The following VAV3 variants were observed in gnomAD, a reference collection of about 807,000 sequenced individuals.
VAV3 encodes guanine nucleotide exchange factor VAV3.
VAV3 carries 94 observed loss-of-function variants against 131.2 expected under a neutral mutation model. That is an observed-to-expected ratio of 0.72 (90% CI 0.61 to 0.85). The LOEUF is 0.85. Among genes scored for constraint, VAV3 ranks in the 40% least tolerant of loss-of-function variants. The probability of loss-of-function intolerance (pLI) is 0.00; values close to 1 mark genes in which losing one functional copy is unlikely to be tolerated. For synonymous variants in VAV3, 349 were observed against 342.0 expected (o/e 1.02, Z -0.22); for missense variants, 939 against 1,002.7 (o/e 0.94, Z 0.86).
chr1:107,675,713 G>A (rs1658159018), intron 19 of VAV3, among the ~76,000 whole-genome samples: 1 of 152,116 alleles, frequency 6.6e-6, no homozygotes. Flanking sequence ...AAAACATGCT[G>A]TGTTAGGTTC....
At chr1:107,884,381 AC>A (rs1486217819) in intron 1 of VAV3, among the ~76,000 whole-genome samples, 2 of 148,790 alleles carry the variant, frequency 1.3e-5, no homozygotes, top group African/African-American at 2.5e-5. Flanking sequence ...CCTACTATGT[AC>A]CCCCAAAATT....
chr1:107,776,858 C>A (rs970690616), intron 4 of VAV3, among the ~76,000 whole-genome samples: 4 of 152,208 alleles, frequency 2.6e-5, no homozygotes, highest in Non-Finnish European at 4.4e-5. Flanking sequence ...AGCTCCAACC[C>A]ACACTTATCT....
At position 107,780,313 on chromosome 1, in the gene VAV3, G is replaced by A. The variant is rs182219959; in HGVS notation, c.322-821C>T. 9.9e-5 allele frequency among the ~76,000 whole-genome samples: 15 copies of A among 152,204 alleles called. 1 individual carries two copies. The East Asian group carries it at 2.9e-3, about 29-fold the overall frequency. ...AAATTGCCTTAATTTAATTCTGAGT[G>A]TTTTCAGAAAAAGTTTTCTAAATTA... On this transcript the variant is annotated intron_variant, in intron 2 of 26. Coordinates refer to ENST00000370056, the MANE Select transcript of VAV3 (RefSeq NM_006113.5).
chr1:107,886,262 C>T (rs530317183), intron 1 of VAV3, among the ~76,000 whole-genome samples: 4 of 152,290 alleles, frequency 2.6e-5, no homozygotes, highest in East Asian at 3.9e-4. Context: ...ACACATAACC[C>T]GATGAAGAAG....
chr1:107,931,630 C>T (rs371172857), intron 1 of VAV3, among the ~76,000 whole-genome samples: 8 of 152,226 alleles, frequency 5.3e-5, no homozygotes, highest in African/African-American at 7.2e-5. Flanking sequence ...TATTAAAACA[C>T]GTGATTGAAA....
At chr1:107,827,046 C>G (rs1668047501) in intron 2 of VAV3, among the ~76,000 whole-genome samples, 1 of 152,002 alleles carries the variant, frequency 6.6e-6, no homozygotes, top group African/African-American at 2.4e-5. Context: ...GTAATAGTTT[C>G]TCATACTTTC....
intron 15 of VAV3, among the ~76,000 whole-genome samples, chr1:107,738,626 C>T (rs958436731): frequency 2.6e-5 from 4 of 152,202 alleles, no homozygotes; most frequent in Non-Finnish European, 4.4e-5. Context: ...TTTCCAATCG[C>T]AGCTTATTTT....
At chr1:107,783,142 C>T (rs1445280192) in intron 2 of VAV3, among the ~76,000 whole-genome samples, 1 of 152,094 alleles carries the variant, frequency 6.6e-6, no homozygotes, top group African/African-American at 2.4e-5. Flanking sequence ...CTTTGTGAGG[C>T]AGGTGGGAAA....
intron 9 of VAV3, among the ~76,000 whole-genome samples, chr1:107,764,039 T>C (rs1368188224): frequency 6.6e-6 from 1 of 151,356 alleles, no homozygotes; most frequent in Non-Finnish European, 1.5e-5. Context: ...GTTCAAAAGT[T>C]CTTTGAAAGC....
intron 7 of VAV3, among the ~76,000 whole-genome samples, chr1:107,766,759 AG>A (rs1664754725): frequency 6.6e-6 from 1 of 151,816 alleles, no homozygotes; most frequent in Non-Finnish European, 1.5e-5. Context: ...GGGAGAGGAC[AG>A]GGTAGAAGAG....
In VAV3 at chr1:107,768,551, G is replaced by T. The variant is rs201735108; in HGVS notation, c.649-42C>A. 71 of 1,491,752 alleles carry T rather than the reference G, an allele frequency of 4.8e-5. No homozygotes were observed. In the African/African-American group the frequency reaches 8.0e-4, roughly 17 times the overall value. 92.4% of individuals were successfully genotyped at this position (1,491,752 alleles called of 1,614,324 possible). On this transcript the variant is annotated intron_variant, in intron 6 of 26. Coordinates refer to ENST00000370056, the MANE Select transcript of VAV3 (RefSeq NM_006113.5). ...AGAAAATAGTAATTAAGTATAACTTGTCCTAATCTATATAATAGTTTTTCA... is the reference window on the plus strand; with the variant it reads ...AGAAAATAGTAATTAAGTATAACTTTTCCTAATCTATATAATAGTTTTTCA...
At chr1:107,651,171 C>T (rs757806235) in intron 19 of VAV3, among the ~76,000 whole-genome samples, 13 of 152,090 alleles carry the variant, frequency 8.5e-5, no homozygotes, top group African/African-American at 1.2e-4. Context: ...TCTACTGGCA[C>T]CTTGATTGTA....
At chr1:107,819,183 C>G (rs1399654148) in intron 2 of VAV3, among the ~76,000 whole-genome samples, 1 of 152,074 alleles carries the variant, frequency 6.6e-6, no homozygotes, top group Non-Finnish European at 1.5e-5. Context: ...ATCTTTTCCC[C>G]TTCCAATTAT....
At chr1:107,902,569 A>T (rs574030435) in intron 1 of VAV3, among the ~76,000 whole-genome samples, 237 of 152,280 alleles carry the variant, frequency 1.6e-3, no homozygotes, top group Non-Finnish European at 2.6e-3. Context: ...TCTCCATAAT[A>T]TGCATTTATT....
intron 1 of VAV3, among the ~76,000 whole-genome samples, chr1:107,907,656 TGCGTTCTCTCTCTCTCTCACACACACAC>T (rs1189957636): frequency 2.0e-5 from 3 of 151,930 alleles, no homozygotes; most frequent in Non-Finnish European, 2.9e-5. Context: ...CTCGTGTGCG[TGCGTTCTCTCTCTCTCTCACACACACAC>T]GCGCTCTCTC....
intron 12 of VAV3, among the ~76,000 whole-genome samples, chr1:107,753,867 T>C (rs1261800067): frequency 2.0e-5 from 3 of 152,088 alleles, no homozygotes; most frequent in Non-Finnish European, 4.4e-5. Context: ...GCCAATGCTA[T>C]ATATATTTTA....
At position 107,856,703 on chromosome 1, in the gene VAV3, GT is replaced by G. The variant is rs1461562936; in HGVS notation, c.321+18197del. 1.7e-4 allele frequency among the ~76,000 whole-genome samples: 26 copies of G among 152,146 alleles called. No individual in the cohort carries two copies. The East Asian group carries it at 4.6e-3, about 27-fold the overall frequency. On this transcript the variant is annotated intron_variant, in intron 2 of 26. Coordinates refer to ENST00000370056, the MANE Select transcript of VAV3 (RefSeq NM_006113.5). The stretch of plus-strand genomic sequence containing the variant: ...CTAATAGAGCAAATATGAGATTTTT[GT>G]TTTTTACTACAAAAATCTAATGATT...
chr1:107,840,595 A>G (rs78830275), intron 2 of VAV3, among the ~76,000 whole-genome samples: 7,977 of 152,230 alleles, frequency 0.052, 402 homozygotes, highest in African/African-American at 0.13. Context: ...TCTATGATCA[A>G]TCCATCAGGA....
chr1:107,673,172 G>A (rs892666681), intron 19 of VAV3, among the ~76,000 whole-genome samples: 3 of 152,126 alleles, frequency 2.0e-5, no homozygotes, highest in African/African-American at 4.8e-5. Flanking sequence ...CCTTTTTTCT[G>A]AAGAGTATTT....
Sources: allele counts gnomAD v4.1 joint callset (sites outside exome capture counted in the v4.1 genomes callset), GRCh38; gene constraint gnomAD v4.1.1; transcripts MANE v1.5; gene names NCBI Gene and HGNC (gene_info 2026-07-23, HGNC 2026-07-21).